The following ALAS2 variants were observed in gnomAD, a reference collection of about 807,000 sequenced individuals.
The protein encoded by ALAS2 is 5'-aminolevulinate synthase 2.
ALAS2 carries 3 observed loss-of-function variants against 33.7 expected under a neutral mutation model. The observed-to-expected ratio is 0.09, with a 90% CI of 0.04 to 0.23. ALAS2 has a LOEUF of 0.23. Ranked by LOEUF, ALAS2 falls within the 10% of genes least tolerant of loss-of-function variation. ALAS2 has a pLI of 1.00. For missense variants in ALAS2, 304 were observed against 475.1 expected, an observed-to-expected ratio of 0.64 and a Z score of 3.35; for synonymous variants, 191 against 177.3, an observed-to-expected ratio of 1.08 and a Z score of -0.61.
rs1026624131 is a variant in ALAS2 at position 55,023,815 on chromosome X, G to A, written c.357C>T (p.Pro119=). Residue 119 remains proline (P), a synonymous_variant, in exon 4 of 11, where the codon CCC becomes CCT. Coordinates refer to ENST00000650242, the MANE Select transcript of ALAS2 (RefSeq NM_000032.5). ...TCCCAGAGATCTGCTCCTGCTCCTG[G>A]GGACCGGAAAATGGCTTCCTTAGGC... is the stretch of plus-strand genomic sequence containing the variant. ...SVSLRKPFSG[P]QEQEQISGKV... 1 of 1,209,094 alleles carries A rather than the reference G, an allele frequency of 8.3e-7. No homozygotes were observed. The highest frequency in any genetic ancestry group is 1.1e-6 in the Non-Finnish European group (1 of 895,058).
In ALAS2 at chrX:55,021,778, A is replaced by T. The variant is rs1160286877; in HGVS notation, c.416-504T>A. Among the ~76,000 whole-genome samples the T allele has an allele frequency of 2.7e-5, 3 of 112,520 alleles. No homozygotes were observed. In the East Asian group the frequency reaches 8.3e-4, roughly 31 times the overall value. On this transcript the variant is annotated intron_variant, in intron 4 of 10. Coordinates refer to ENST00000650242, the MANE Select transcript of ALAS2 (RefSeq NM_000032.5). ...TAATATATTCAAACTAATAAATGGCACATGGTAATAGTAGTATTATTACTG... is the reference window on the plus strand; with the variant it reads ...TAATATATTCAAACTAATAAATGGCTCATGGTAATAGTAGTATTATTACTG...
rs1935556345 is a variant in ALAS2 at position 55,009,264 on chromosome X, A to G, written c.1680T>C (p.Arg560=). Residue 560 remains arginine (R), a synonymous_variant, in exon 11 of 11, where the codon CGT becomes CGC. Coordinates refer to ENST00000650242, the MANE Select transcript of ALAS2 (RefSeq NM_000032.5). ...VSVAACNFCR[R]PVHFELMSEW... Reference sequence around the variant, plus strand: ...CACTCATGAGCTCAAAGTGTACAGGACGGCGACAGAAATTGCAGGCAGCCA... The same window carrying G: ...CACTCATGAGCTCAAAGTGTACAGGGCGGCGACAGAAATTGCAGGCAGCCA... 8.3e-7 allele frequency: 1 copy of G among 1,203,943 alleles called. No individual in the cohort carries two copies. Among genetic ancestry groups the G allele is most frequent in the African/African-American group, 1.8e-5 (1 of 56,742 alleles).
At chrX:55,023,171 G>A (rs946899477) in intron 4 of ALAS2, among the ~76,000 whole-genome samples, 12 of 109,107 alleles carry the variant, frequency 1.1e-4, no homozygotes, top group African/African-American at 4.1e-4. Context: ...AAAAGCATGG[G>A]TGTGGTGAAG....
Position 55,024,798 on chromosome X carries a change from G to A in ALAS2, c.224C>T (p.Ser75Leu), listed in dbSNP as rs863223900. ...WAKGHCPFML[S>L]ELQDGKSKIV... ...CTTGCTCTTCCCATCCTGGAGTTCC[G>A]ACAGCATGAAGGGACAGTGGCCCTT... The change falls in exon 3 of 11, where the codon TCG (serine) becomes TTG (leucine). Residue 75 changes from serine to leucine, a missense_variant. Transcript: ENST00000650242. 5 of 1,209,751 alleles carry A rather than the reference G, an allele frequency of 4.1e-6. No individual in the cohort carries two copies. The Admixed American group carries it at 6.5e-5, about 16-fold the overall frequency.
intron 9 of ALAS2, 143 bp downstream of exon 9, chrX:55,014,604 A>G (rs1935667412): frequency 1.2e-6 from 1 of 814,358 alleles, no homozygotes; most frequent in African/African-American, 2.1e-5. Flanking sequence ...AATTTTTCAA[A>G]AAGGGAAACA....
chrX:55,025,638 G>A (rs2146726755), intron 2 of ALAS2, among the ~76,000 whole-genome samples, 182 bp downstream of exon 2: 1 of 112,237 alleles, frequency 8.9e-6, no homozygotes, highest in African/African-American at 3.2e-5. Context: ...GGCCGAGAAT[G>A]AGACTCTTTC....
chrX:55,030,146 T>A (rs757389835), intron 1 of ALAS2, among the ~76,000 whole-genome samples: 15 of 111,244 alleles, frequency 1.3e-4, no homozygotes, highest in Admixed American at 1.3e-3. Flanking sequence ...AACAGGAAAA[T>A]TTAGAAGATC....
Position 55,023,843 on chromosome X carries a change from A to C in ALAS2, c.329T>G (p.Val110Gly). ...ACCGGAAAATGGCTTCCTTAGGCTG[A>C]CTGAGACCAGGGAGCTAGGCAGATC... is the stretch of plus-strand genomic sequence containing the variant. ...KTDLPSSLVS[V>G]SLRKPFSGPQ... The change falls in exon 4 of 11, where the codon GTC becomes GGC. Residue 110 changes from valine to glycine, a missense_variant. Around this residue, in one of 3 missense-constraint regions of ALAS2, gnomAD observed 71 missense variants for 82.8 expected, o/e 0.86. Transcript: ENST00000650242. 8.3e-7 allele frequency: 1 copy of C among 1,210,314 alleles called. No individual in the cohort carries two copies. The highest frequency in any genetic ancestry group is 1.8e-5 in the South Asian group (1 of 56,731).
rs760268035 is a variant in ALAS2 at position 55,015,719 on chromosome X, A to G, written c.1027T>C (p.Leu343=). The change falls in exon 8 of 11, where the codon TTG becomes CTG. Residue 343 remains leucine (L), a synonymous_variant. Coordinates refer to ENST00000650242, the MANE Select transcript of ALAS2 (RefSeq NM_000032.5). The stretch of plus-strand genomic sequence containing the variant: ...CCATACTGGTGGGACACATCACACA[A>G]CTCCTCGAGGGGACAGATGGCACCT... ...MDGAICPLEE[L]CDVSHQYGAL... 1.7e-6 allele frequency: 2 copies of G among 1,210,426 alleles called. No individual in the cohort carries two copies. Among genetic ancestry groups the G allele is most frequent in the Non-Finnish European group, 2.2e-6 (2 of 895,156 alleles).
chrX:55,015,951 C>G (rs915807629), intron 7 of ALAS2, among the ~76,000 whole-genome samples: 2 of 94,669 alleles, frequency 2.1e-5, no homozygotes, highest in Non-Finnish European at 2.1e-5. Flanking sequence ...CTCTCTCTCT[C>G]TGTCTCTCTG....
At chrX:55,015,959 CTGTGTGTGTGTGTGTGTGTGTGTGTGTG>C (rs56109492) in intron 7 of ALAS2, among the ~76,000 whole-genome samples, 1 of 80,163 alleles carries the variant, frequency 1.2e-5, no homozygotes, top group South Asian at 7.3e-4. Flanking sequence ...CTCTGTCTCT[CTGTGTGTGTGTGTGTGTGTGTGTGTGTG>C]TGTGTGTGTG....
At position 55,025,867 on chromosome X, in the gene ALAS2, C is replaced by A; in HGVS notation, c.134G>T (p.Gly45Val). The A allele has an allele frequency of 8.3e-7, 1 of 1,211,681 alleles. No homozygotes were observed. Among genetic ancestry groups the A allele is most frequent in the Middle Eastern group, 2.3e-4 (1 of 4,355 alleles). Reference sequence around the variant, plus strand: ...AAGGTGGATTTGAGAACAGTTTGGTCCTTGGGTAGCCAGGATGGGACAGCG... The same window carrying A: ...AAGGTGGATTTGAGAACAGTTTGGTACTTGGGTAGCCAGGATGGGACAGCG... ...IGRCPILATQ[G>V]PNCSQIHLKA... The change falls in exon 2 of 11, where the codon GGA (glycine) becomes GTA (valine). Residue 45 changes from glycine to valine, a missense_variant. Gly to Val is a moderately radical substitution (Grantham distance 109, BLOSUM62 -3). Around this residue, in one of 3 missense-constraint regions of ALAS2, gnomAD observed 71 missense variants for 82.8 expected, o/e 0.86. Transcript: ENST00000650242.
intron 7 of ALAS2, 59 bp downstream of exon 7, chrX:55,017,427 G>T: frequency 9.8e-7 from 1 of 1,017,517 alleles, no homozygotes; most frequent in South Asian, 1.9e-5. Context: ...TCATCATCAT[G>T]ATCATCATGG....
At chrX:55,013,726 A>G (rs1935647986) in intron 9 of ALAS2, 78 bp from the exon 10 acceptor site, 1 of 1,109,478 alleles carries the variant, frequency 9.0e-7, no homozygotes, top group African/African-American at 1.8e-5. Context: ...AGATGGAGGG[A>G]ACTAGATGAG....
intron 6 of ALAS2, among the ~76,000 whole-genome samples, chrX:55,019,226 GGAGGAGAGAGCCAATAGGTCAA>G (rs1935757845): frequency 9.0e-6 from 1 of 110,931 alleles, no homozygotes; most frequent in African/African-American, 3.3e-5. Flanking sequence ...ATACAGGAGA[GGAGGAGAGAGCCAATAGGTCAA>G]GATTCCTAAG....
rs1935724892 is a variant in ALAS2 at position 55,017,588 on chromosome X, C to G, written c.901G>C (p.Val301Leu). 5 of 1,209,616 alleles carry G rather than the reference C, an allele frequency of 4.1e-6. No individual in the cohort carries two copies. The highest frequency in any genetic ancestry group is 5.6e-6 in the Non-Finnish European group (5 of 895,140). ...TGGTCAGGGTCATTGTGCCTGAAGA[C>G]AAACTTGGCTGCTCCACTGTTACGG... ...GIRNSGAAKF[V>L]FRHNDPDHLK... The change falls in exon 7 of 11, where the codon GTC (valine) becomes CTC (leucine). Residue 301 changes from valine to leucine, a missense_variant. By Grantham distance (32) the Val-to-Leu change is conservative (BLOSUM62 1). Around this residue, in one of 3 missense-constraint regions of ALAS2, gnomAD observed 138 missense variants for 265.3 expected, o/e 0.52. Coordinates refer to ENST00000650242, the MANE Select transcript of ALAS2 (RefSeq NM_000032.5).
At chrX:55,015,871 G>T in intron 7 of ALAS2, 129 bp from the exon 8 acceptor site, 1 of 739,011 alleles carries the variant, frequency 1.4e-6, no homozygotes, top group Non-Finnish European at 2.1e-6. Context: ...GAGGATGTGC[G>T]CCTTCATTTA....
Position 55,024,767 on chromosome X carries a change from C to T in ALAS2, c.255G>A (p.Val85=), listed in dbSNP as rs764737308. 59 of 1,210,105 alleles carry T rather than the reference C, an allele frequency of 4.9e-5. No homozygotes were observed. Among genetic ancestry groups the T allele is most frequent in the Non-Finnish European group, 6.5e-5 (58 of 895,123 alleles). The part of the protein sequence containing the change: ...SELQDGKSKI[V]QKAAPEVQED... ...CCTGGACTTCTGGGGCTGCCTTCTG[C>T]ACAATCTTGCTCTTCCCATCCTGGA... Residue 85 remains valine, a synonymous_variant, in exon 3 of 11, where the codon GTG becomes GTA. Transcript: ENST00000650242.
At chrX:55,029,877 G>A (rs986524334) in intron 1 of ALAS2, among the ~76,000 whole-genome samples, 1 of 111,034 alleles carries the variant, frequency 9.0e-6, no homozygotes, top group Non-Finnish European at 1.9e-5. Flanking sequence ...TGTACTCCCA[G>A]AGGTGAAAAG....
Sources: gnomAD v4.1 joint callset for allele counts (sites outside exome capture counted in the v4.1 genomes callset) on GRCh38, gnomAD v4.1.1 for gene constraint, gnomAD v4.1.1 regional missense constraint, MANE v1.5 for transcripts, NCBI Gene and HGNC (gene_info 2026-07-23, HGNC 2026-07-21) for gene names.